The following KCNAB1 variants were observed in gnomAD, a reference collection of about 807,000 sequenced individuals.
KCNAB1 encodes the protein voltage-gated potassium channel subunit beta-1.
A neutral mutation model predicts 64.6 loss-of-function variants in KCNAB1; 35 were observed. The observed-to-expected ratio is 0.54, with a 90% confidence interval of 0.41 to 0.72. The LOEUF is 0.72. Among genes scored for constraint, KCNAB1 ranks in the 30% least tolerant of loss-of-function variants. KCNAB1 has a pLI of 0.00. For missense variants in KCNAB1, 401 were observed against 512.9 expected, an observed-to-expected ratio of 0.78 and a Z score of 2.11; for synonymous variants, 177 against 183.8, an observed-to-expected ratio of 0.96 and a Z score of 0.30.
At chr3:156,247,082 T>C (rs1717501114) in intron 1 of KCNAB1, among the ~76,000 whole-genome samples, 1 of 152,150 alleles carries the variant, frequency 6.6e-6, no homozygotes, top group African/African-American at 2.4e-5. Flanking sequence ...AAAAAACTAG[T>C]GATGTTGGCC....
At chr3:156,226,581 G>T (rs935914724) in intron 1 of KCNAB1, among the ~76,000 whole-genome samples, 4 of 152,100 alleles carry the variant, frequency 2.6e-5, no homozygotes, top group African/African-American at 9.7e-5. Context: ...AAACTAAAAA[G>T]CTCCTGCACA....
intron 8 of KCNAB1, among the ~76,000 whole-genome samples, chr3:156,510,526 TC>T (rs1184473962): frequency 3.9e-5 from 6 of 152,184 alleles, no homozygotes; most frequent in Non-Finnish European, 8.8e-5. Context: ...ACTCTTAATG[TC>T]CCGTGACCCT....
At chr3:156,373,927 T>C (rs1385143237) in intron 1 of KCNAB1, among the ~76,000 whole-genome samples, 1 of 152,192 alleles carries the variant, frequency 6.6e-6, no homozygotes, top group African/African-American at 2.4e-5. Flanking sequence ...ACTGTGTCTG[T>C]CCTGTGTGAA....
At chr3:156,243,520 GC>G (rs1717289686) in intron 1 of KCNAB1, among the ~76,000 whole-genome samples, 1 of 152,166 alleles carries the variant, frequency 6.6e-6, no homozygotes, top group Non-Finnish European at 1.5e-5. Context: ...GAGCCACCAC[GC>G]CTGGCTGGTG....
At chr3:156,521,180 G>A (rs1324331600) in intron 11 of KCNAB1, among the ~76,000 whole-genome samples, 4 of 152,278 alleles carry the variant, frequency 2.6e-5, no homozygotes, top group Non-Finnish European at 5.9e-5. Context: ...TTTGTGCTGG[G>A]TGCTGAGGAC....
chr3:156,326,991 A>G (rs1358191721), intron 1 of KCNAB1, among the ~76,000 whole-genome samples: 4 of 152,180 alleles, frequency 2.6e-5, no homozygotes, highest in African/African-American at 9.7e-5. Flanking sequence ...AAAGCAGATA[A>G]GAAACAATTG....
At chr3:156,384,732 A>G (rs189043741) in intron 1 of KCNAB1, among the ~76,000 whole-genome samples, 119 of 152,308 alleles carry the variant, frequency 7.8e-4, no homozygotes, top group African/African-American at 2.7e-3. Flanking sequence ...CAGGAACCGC[A>G]TCAGAACTTG....
At chr3:156,283,713 A>G (rs1436678143) in intron 1 of KCNAB1, among the ~76,000 whole-genome samples, 1 of 151,358 alleles carries the variant, frequency 6.6e-6, no homozygotes, top group Non-Finnish European at 1.5e-5. Context: ...CATTTCATTC[A>G]TTTCATCTTC....
intron 1 of KCNAB1, among the ~76,000 whole-genome samples, chr3:156,338,302 A>ATTTTTTTTTTTTTTTTT (rs1723857966): frequency 5.8e-5 from 1 of 17,296 alleles, no homozygotes; most frequent in Admixed American, 7.9e-4. Flanking sequence ...TGGCATTTGC[A>ATTTTTTTTTTTTTTTTT]CTTTTTTTTT....
At chr3:156,440,975 C>T (rs1716950756) in intron 2 of KCNAB1, among the ~76,000 whole-genome samples, 1 of 151,926 alleles carries the variant, frequency 6.6e-6, no homozygotes, top group Non-Finnish European at 1.5e-5. Context: ...AATTCTTAGT[C>T]AAAAAGTACA....
At chr3:156,176,248 T>G in intron 1 of KCNAB1, 1 of 816,724 alleles carries the variant, frequency 1.2e-6, no homozygotes, top group Non-Finnish European at 2.2e-6. Flanking sequence ...GGTTAGTTTG[T>G]TCTGGCACAG....
rs1718115914 is a variant in KCNAB1, at chr3:156,523,842, A to C, written c.976A>C (p.Lys326Gln). 6.2e-7 allele frequency: 1 copy of C among 1,613,412 alleles called. No individual in the cohort carries two copies. Among genetic ancestry groups the C allele is most frequent in the African/African-American group, 1.3e-5 (1 of 74,918 alleles). The change falls in exon 12 of 14, where the codon AAA (lysine) becomes CAA (glutamine). Residue 326 changes from lysine to glutamine, a missense_variant. Lys to Gln is a moderately conservative substitution (Grantham distance 53, BLOSUM62 1). Coordinates refer to ENST00000490337, the MANE Select transcript of KCNAB1 (RefSeq NM_172160.3). ...RASLKCYQWL[K>Q]ERIVSEEGRK... ...TTTTCCCCAGTGCTACCAGTGGTTG[A>C]AAGAAAGAATTGTAAGTGAAGAAGG...
At chr3:156,441,766 C>G (rs75394796) in intron 2 of KCNAB1, among the ~76,000 whole-genome samples, 2,744 of 152,106 alleles carry the variant, frequency 0.018, 66 homozygotes, top group East Asian at 0.1. Context: ...GCCCTGGAAA[C>G]TTTATTGTAA....
chr3:156,426,218 G>A (rs1025239441), intron 2 of KCNAB1, among the ~76,000 whole-genome samples: 2 of 152,132 alleles, frequency 1.3e-5, no homozygotes, highest in African/African-American at 4.8e-5. Context: ...GAGGAGCAAA[G>A]GCTCCATCTC....
In KCNAB1 at chr3:156,191,815, C is replaced by T. The variant is rs113364564; in HGVS notation, c.275+70929C>T. Among the ~76,000 whole-genome samples the T allele has an allele frequency of 7.2e-5, 11 of 152,272 alleles. 1 individual carries two copies. The highest frequency in any genetic ancestry group is 2.4e-4 in the African/African-American group (10 of 41,546). Reference sequence around the variant, plus strand: ...ATTCCCTGCCTCATTTAATGCTATCCCCATGAACAAAGATAGCCAAAGGCA... The same window carrying T: ...ATTCCCTGCCTCATTTAATGCTATCTCCATGAACAAAGATAGCCAAAGGCA... On this transcript the variant is annotated intron_variant, in intron 1 of 13. Coordinates refer to ENST00000490337, the MANE Select transcript of KCNAB1 (RefSeq NM_172160.3).
At chr3:156,425,304 C>T (rs913595675) in intron 2 of KCNAB1, among the ~76,000 whole-genome samples, 3 of 152,180 alleles carry the variant, frequency 2.0e-5, no homozygotes, top group African/African-American at 4.8e-5. Context: ...AAGGGGCAGC[C>T]GGAAATTCCT....
At chr3:156,536,476 T>C (rs1719063449) in intron 13 of KCNAB1, 182 bp from the exon 14 acceptor site, 1 of 575,170 alleles carries the variant, frequency 1.7e-6, no homozygotes, top group Admixed American at 3.1e-5. Context: ...ATGCAGTCAA[T>C]CAACAAGGCC....
intron 8 of KCNAB1, among the ~76,000 whole-genome samples, chr3:156,481,607 G>A (rs1714809163): frequency 6.6e-6 from 1 of 152,060 alleles, no homozygotes; most frequent in Non-Finnish European, 1.5e-5. Context: ...GACAATGGGG[G>A]ACAGTAGGGT....
chr3:156,206,934 A>G (rs766702660), intron 1 of KCNAB1, among the ~76,000 whole-genome samples: 56 of 152,358 alleles, frequency 3.7e-4, no homozygotes, highest in Non-Finnish European at 5.3e-4. Context: ...ATTTATTTTT[A>G]CCAAGGAGCC....
Sources: allele counts gnomAD v4.1 joint callset (sites outside exome capture counted in the v4.1 genomes callset), GRCh38; gene constraint gnomAD v4.1.1; transcripts MANE v1.5; gene names NCBI Gene and HGNC (gene_info 2026-07-23, HGNC 2026-07-21).